EIF3D: variants seen among roughly 807,000 people sequenced by gnomAD.
The protein encoded by EIF3D is eIF3 p66.
In EIF3D, 10 loss-of-function variants were observed where a neutral mutation model predicts 75.4. That is an observed-to-expected ratio of 0.13 (90% CI 0.08 to 0.22). The LOEUF is 0.22. Ranked by LOEUF, EIF3D falls within the 10% of genes least tolerant of loss-of-function variation. The pLI is 1.00. For synonymous variants in EIF3D, 246 were observed against 248.3 expected (o/e 0.99, Z 0.09); for missense variants, 394 against 708.0 (o/e 0.56, Z 5.03).
At chr22:36,513,404 G>C (rs1387851443) in intron 12 of EIF3D, among the ~76,000 whole-genome samples, 1 of 152,034 alleles carries the variant, frequency 6.6e-6, no homozygotes, top group African/African-American at 2.4e-5. Flanking sequence ...CCGGGTTCAA[G>C]TGATTCTCCT....
At position 36,529,060 on chromosome 22, in the gene EIF3D, GA is replaced by G; in HGVS notation, c.-11+15del. 2.6e-6 allele frequency: 1 copy of G among 386,714 alleles called. No homozygotes were observed. The highest frequency in any genetic ancestry group is 4.6e-6 in the Non-Finnish European group (1 of 218,684). The allele number at this position is 386,714 out of a possible 1,614,324, so 24.0% of individuals were successfully genotyped here. On this transcript the variant is annotated intron_variant, in intron 1 of 14. Transcript: ENST00000216190. ...GCTCCGGAGGGCCGCAGGAACCTAT[GA>G]AACACGCCGCTCACCTGCAATGGCC...
At chr22:36,522,737 G>GGCC (rs1211228957) in intron 6 of EIF3D, among the ~76,000 whole-genome samples, 1 of 152,152 alleles carries the variant, frequency 6.6e-6, no homozygotes, top group African/African-American at 2.4e-5. Context: ...CGGGAGGTAG[G>GGCC]GCCTTTAAGA....
Position 36,511,570 on chromosome 22 carries a change from G to T in EIF3D, c.1566C>A (p.Leu522=). 1 of 1,614,054 alleles carries T rather than the reference G, an allele frequency of 6.2e-7. No homozygotes were observed. Among genetic ancestry groups the T allele is most frequent in the Non-Finnish European group, 8.5e-7 (1 of 1,179,984 alleles). The change falls in exon 14 of 15, where the codon CTC becomes CTA. Residue 522 remains leucine (L), a synonymous_variant. Transcript: ENST00000216190. ...CATCAGAGCTGAAGGTGCCATCAGG[G>T]AGGCTGTAGACACGGATGACCTGCT... is the stretch of plus-strand genomic sequence containing the variant. ...PNKQVIRVYS[L]PDGTFSSDED...
intron 9 of EIF3D, among the ~76,000 whole-genome samples, chr22:36,518,114 T>TA (rs1934455752): frequency 6.6e-6 from 1 of 152,014 alleles, no homozygotes; most frequent in Admixed American, 6.6e-5. Flanking sequence ...ATGTATGGTA[T>TA]AAAAAATATA....
chr22:36,522,208 G>T (rs186528764), intron 6 of EIF3D, among the ~76,000 whole-genome samples: 95 of 152,124 alleles, frequency 6.2e-4, no homozygotes, highest in Admixed American at 2.2e-3. Flanking sequence ...ACAAAAATTA[G>T]CCAGGCGTGG....
In EIF3D at chr22:36,520,602, G is replaced by A; in HGVS notation, c.552C>T (p.Tyr184=). 1 of 1,613,200 alleles carries A rather than the reference G, an allele frequency of 6.2e-7. No homozygotes were observed. The highest frequency in any genetic ancestry group is 8.5e-7 in the Non-Finnish European group (1 of 1,179,288). ...MDFPQLMKMR[Y]LEVSEPQDIE... is the part of the protein sequence containing the mutation. ...TGTCCTGTGGCTCTGATACTTCCAA[G>A]TAGCGCATCTTCATCAACTGAGGAA... is the stretch of plus-strand genomic sequence containing the variant. The change falls in exon 7 of 15, where the codon TAC becomes TAT. Residue 184 remains tyrosine (Y), a synonymous_variant. Coordinates refer to ENST00000216190, the MANE Select transcript of EIF3D (RefSeq NM_003753.4).
intron 4 of EIF3D, 52 bp downstream of exon 4, chr22:36,524,544 A>G: frequency 6.2e-7 from 1 of 1,608,900 alleles, no homozygotes; most frequent in Non-Finnish European, 8.5e-7. Flanking sequence ...TTAGCAGGTG[A>G]TGGCCAACAG....
intron 1 of EIF3D, 189 bp downstream of exon 1, chr22:36,528,887 G>A (rs1000696539): frequency 2.9e-5 from 5 of 171,486 alleles, no homozygotes; most frequent in Non-Finnish European, 6.2e-5. Flanking sequence ...CACCCACAAG[G>A]TCGTGTCCCG....
chr22:36,517,515 C>G, intron 9 of EIF3D, 84 bp from the exon 10 acceptor site: 1 of 1,440,890 alleles, frequency 6.9e-7, no homozygotes, highest in Non-Finnish European at 9.2e-7. Flanking sequence ...TGTGGAGAGG[C>G]AAACAACACA....
At position 36,517,288 on chromosome 22, in the gene EIF3D, C is replaced by T. The variant is rs1200792302; in HGVS notation, c.990+13G>A. On this transcript the variant is annotated intron_variant, in intron 10 of 14. Transcript: ENST00000216190. ...ATAAGAATGAATCAATGCCCAGAGACTCGTTTCCTCACCATTCTCAAGCAC... is the reference window on the plus strand; with the variant it reads ...ATAAGAATGAATCAATGCCCAGAGATTCGTTTCCTCACCATTCTCAAGCAC... 1 of 1,613,778 alleles carries T rather than the reference C, an allele frequency of 6.2e-7. No homozygotes were observed. Among genetic ancestry groups the T allele is most frequent in the Non-Finnish European group, 8.5e-7 (1 of 1,179,840 alleles).
intron 5 of EIF3D, 133 bp downstream of exon 5, chr22:36,523,762 T>G: frequency 1.2e-6 from 1 of 844,050 alleles, no homozygotes. Context: ...AAAGGGGGCT[T>G]AACTGGTTGT....
At chr22:36,511,385 T>G (rs1291986474) in intron 14 of EIF3D, 118 bp downstream of exon 14, 6 of 1,526,864 alleles carry the variant, frequency 3.9e-6, no homozygotes, top group Non-Finnish European at 4.4e-6. Flanking sequence ...TTCTTCATAC[T>G]TAAGTCTCAG....
chr22:36,527,185 G>A (rs1344469977), intron 1 of EIF3D, among the ~76,000 whole-genome samples: 2 of 152,200 alleles, frequency 1.3e-5, no homozygotes, highest in Admixed American at 6.5e-5. Context: ...AAATGTTCAT[G>A]AATACTGCCA....
intron 5 of EIF3D, 98 bp from the exon 6 acceptor site, chr22:36,523,379 A>G: frequency 3.4e-6 from 3 of 874,622 alleles, no homozygotes; most frequent in Non-Finnish European, 5.4e-6. Context: ...CCTTACCATC[A>G]CCACTAACTC....
chr22:36,516,505 G>A lies in EIF3D; in HGVS notation c.1179C>T (p.Ile393=). The A allele has an allele frequency of 6.2e-7, 1 of 1,614,224 alleles. No individual in the cohort carries two copies. The highest frequency in any genetic ancestry group is 8.5e-7 in the Non-Finnish European group (1 of 1,180,026). ...GANGEVSFIN[I]KTLNEWDSRH... ...TGGAATCCCACTCATTGAGTGTCTTGATGTTGATGAAGGACACTTCCCCGT... is the reference window on the plus strand; with the variant it reads ...TGGAATCCCACTCATTGAGTGTCTTAATGTTGATGAAGGACACTTCCCCGT... Residue 393 remains isoleucine (I), a synonymous_variant, in exon 12 of 15, where the codon ATC becomes ATT. Transcript: ENST00000216190.
chr22:36,517,453 A>G, intron 9 of EIF3D, 22 bp from the exon 10 acceptor site: 2 of 1,597,034 alleles, frequency 1.3e-6, no homozygotes, highest in Non-Finnish European at 1.7e-6. Context: ...TGGCATGGTC[A>G]CTCACCATGC....
chr22:36,524,493 T>C (rs7364198), intron 4 of EIF3D, 103 bp downstream of exon 4: 104,695 of 1,524,762 alleles, frequency 0.069, 4,014 homozygotes, highest in African/African-American at 0.14. Context: ...AGACCTATAA[T>C]ATGCTTCCCT....
Position 36,518,893 on chromosome 22 carries a change from C to A in EIF3D, c.729G>T (p.Gly243=). The A allele has an allele frequency of 6.2e-7, 1 of 1,614,120 alleles. No homozygotes were observed. The highest frequency in any genetic ancestry group is 8.5e-7 in the Non-Finnish European group (1 of 1,179,998). Reference sequence around the variant, plus strand: ...GGATGGCATCAGTGGCAAACACATTCCCCTGAGTTTTTGCCAGCTGCAAAG... The same window carrying A: ...GGATGGCATCAGTGGCAAACACATTACCCTGAGTTTTTGCCAGCTGCAAAG... ...PVIRKLAKTQ[G]NVFATDAILA... is the part of the protein sequence containing the mutation. The change falls in exon 9 of 15, where the codon GGG becomes GGT. Residue 243 remains glycine (G), a synonymous_variant. Transcript: ENST00000216190.
intron 12 of EIF3D, among the ~76,000 whole-genome samples, chr22:36,515,031 G>A (rs1187166473): frequency 6.6e-6 from 1 of 152,126 alleles, no homozygotes; most frequent in Non-Finnish European, 1.5e-5. Flanking sequence ...CTTCTCCTTT[G>A]CTTTCTGCCA....
Sources: allele counts gnomAD v4.1 joint callset (sites outside exome capture counted in the v4.1 genomes callset), GRCh38; gene constraint gnomAD v4.1.1; transcripts MANE v1.5; gene names NCBI Gene and HGNC (gene_info 2026-07-23, HGNC 2026-07-21).